Variants in FSIP1 observed in about 807,000 individuals in gnomAD.
FSIP1 encodes the protein fibrous sheath interacting protein 1, also known as fibrous sheath-interacting protein 1.
FSIP1 carries 65 observed loss-of-function variants against 60.9 expected under a neutral mutation model. The ratio of observed to expected loss-of-function variants is 1.07; its 90% CI spans 0.87 to 1.31. The LOEUF (loss-of-function observed/expected upper bound fraction) is 1.31, where lower values mean the gene tolerates loss of function less well. Among genes scored for constraint, FSIP1 ranks in the 40% most tolerant of loss-of-function variants. The pLI, the probability that FSIP1 is intolerant of heterozygous loss-of-function variation, is 0.00. For missense variants in FSIP1, 675 were observed against 665.5 expected (o/e 1.01, Z -0.16); for synonymous variants, 209 against 221.2 (o/e 0.94, Z 0.49).
chr15:39,605,189 C>G (rs568522195), intron 11 of FSIP1, among the ~76,000 whole-genome samples: 1 of 152,248 alleles, frequency 6.6e-6, no homozygotes, highest in African/African-American at 2.4e-5. Flanking sequence ...ACTTAGCTTT[C>G]TTTCATCTAA....
chr15:39,672,194 G>T (rs1162444535), intron 10 of FSIP1, among the ~76,000 whole-genome samples: 1 of 152,210 alleles, frequency 6.6e-6, no homozygotes, highest in Non-Finnish European at 1.5e-5. Flanking sequence ...CCTGTGTCAA[G>T]ATGAAGGCGT....
chr15:39,736,612 T>TC (rs902089409), intron 8 of FSIP1, among the ~76,000 whole-genome samples: 3 of 152,120 alleles, frequency 2.0e-5, no homozygotes, highest in Admixed American at 6.5e-5. Flanking sequence ...CACACCCTCC[T>TC]CCCCCGTGGG....
intron 10 of FSIP1, among the ~76,000 whole-genome samples, chr15:39,696,870 CTGTGTGTGTG>C (rs67940382): frequency 0.021 from 2,356 of 111,726 alleles, 152 homozygotes; most frequent in African/African-American, 0.078. Context: ...GAAGGGGTGT[CTGTGTGTGTG>C]TGTGTGTGTG....
intron 9 of FSIP1, among the ~76,000 whole-genome samples, chr15:39,724,151 T>C (rs1896094294): frequency 6.6e-6 from 1 of 152,230 alleles, no homozygotes; most frequent in South Asian, 2.1e-4. Context: ...TGTAAGGTAC[T>C]GGTTTTCCCT....
chr15:39,620,520 C>T (rs982482410), intron 10 of FSIP1, among the ~76,000 whole-genome samples: 12 of 151,692 alleles, frequency 7.9e-5, no homozygotes, highest in Admixed American at 2.0e-4. Flanking sequence ...TTATTTAAAA[C>T]ATTTTAACAC....
chr15:39,782,030 A>G (rs1443835040), intron 1 of FSIP1, among the ~76,000 whole-genome samples: 3 of 152,256 alleles, frequency 2.0e-5, no homozygotes, highest in Non-Finnish European at 2.9e-5. Context: ...TCATACATCC[A>G]TAAAATATAT....
chr15:39,741,693 T>G (rs1896805439), intron 6 of FSIP1, 112 bp downstream of exon 6: 2 of 604,898 alleles, frequency 3.3e-6, no homozygotes, highest in South Asian at 2.2e-5. Context: ...CTCTACTTGC[T>G]TCCACTTACC....
chr15:39,651,933 G>C (rs565085951), intron 10 of FSIP1, among the ~76,000 whole-genome samples: 1 of 152,338 alleles, frequency 6.6e-6, no homozygotes, highest in East Asian at 1.9e-4. Context: ...AATGGGGAAA[G>C]AAGTTAAGAT....
At chr15:39,672,708 G>A (rs1893770433) in intron 10 of FSIP1, among the ~76,000 whole-genome samples, 1 of 152,154 alleles carries the variant, frequency 6.6e-6, no homozygotes, top group African/African-American at 2.4e-5. Flanking sequence ...ATAACTCACG[G>A]TAGTTATTAA....
chr15:39,620,820 G>A (rs562263878), intron 10 of FSIP1, among the ~76,000 whole-genome samples: 80 of 150,186 alleles, frequency 5.3e-4, no homozygotes, highest in African/African-American at 1.8e-3. Context: ...TGGTCAGGCT[G>A]GTCTTGAACT....
At chr15:39,751,794 A>C (rs1337703334) in intron 5 of FSIP1, among the ~76,000 whole-genome samples, 2 of 151,958 alleles carry the variant, frequency 1.3e-5, no homozygotes, top group African/African-American at 2.4e-5. Context: ...ATTTTTGCTA[A>C]ATGAGATTAT....
At chr15:39,643,085 C>A (rs2140422592) in intron 10 of FSIP1, among the ~76,000 whole-genome samples, 1 of 152,254 alleles carries the variant, frequency 6.6e-6, no homozygotes, top group Non-Finnish European at 1.5e-5. Context: ...TATAATTAAT[C>A]CTTTGCACCT....
At chr15:39,763,403 A>C (rs1173747101) in intron 5 of FSIP1, among the ~76,000 whole-genome samples, 4 of 152,228 alleles carry the variant, frequency 2.6e-5, no homozygotes, top group African/African-American at 9.6e-5. Context: ...GAATTGGCTC[A>C]TCTCAAAAAT....
chr15:39,666,197 C>G (rs932916842), intron 10 of FSIP1, among the ~76,000 whole-genome samples: 10 of 152,060 alleles, frequency 6.6e-5, no homozygotes, highest in African/African-American at 2.2e-4. Context: ...TAAGATAAAC[C>G]TTTGTGTGTG....
At chr15:39,738,039 T>C (rs1896672770) in intron 8 of FSIP1, 52 bp downstream of exon 8, 1 of 1,034,474 alleles carries the variant, frequency 9.7e-7, no homozygotes, top group Non-Finnish European at 1.4e-6. Context: ...ATAATATTAT[T>C]TTTTAAAATC....
At chr15:39,745,563 G>C (rs1039365001) in intron 5 of FSIP1, among the ~76,000 whole-genome samples, 2 of 152,160 alleles carry the variant, frequency 1.3e-5, no homozygotes, top group African/African-American at 4.8e-5. Context: ...TATCTGTGCA[G>C]CTCAGAGTCC....
intron 10 of FSIP1, among the ~76,000 whole-genome samples, chr15:39,683,336 T>A (rs1894238636): frequency 6.6e-6 from 1 of 151,774 alleles, no homozygotes; most frequent in African/African-American, 2.4e-5. Context: ...GGAAAAACAG[T>A]CATCATCAAT....
intron 10 of FSIP1, among the ~76,000 whole-genome samples, chr15:39,683,638 C>T (rs1894250856): frequency 6.6e-6 from 1 of 152,136 alleles, no homozygotes; most frequent in African/African-American, 2.4e-5. Flanking sequence ...TAAGTTGTTC[C>T]TATTCACAGA....
intron 3 of FSIP1, among the ~76,000 whole-genome samples, chr15:39,767,448 G>A (rs1293319076): frequency 6.6e-6 from 1 of 152,224 alleles, no homozygotes; most frequent in Non-Finnish European, 1.5e-5. Flanking sequence ...GGACAGGGAA[G>A]TGCTGGGTAG....
Sources: gnomAD v4.1 joint callset for allele counts (sites outside exome capture counted in the v4.1 genomes callset) on GRCh38, gnomAD v4.1.1 for gene constraint, MANE v1.5 for transcripts, NCBI Gene and HGNC (gene_info 2026-07-23, HGNC 2026-07-21) for gene names.